The following PHF21A variants were observed in gnomAD, a reference collection of about 807,000 sequenced individuals.
The protein encoded by PHF21A is BHC80a.
PHF21A carries 11 observed loss-of-function variants against 82.5 expected under a neutral mutation model. The observed-to-expected ratio is 0.13, with a 90% CI of 0.08 to 0.22. PHF21A has a LOEUF of 0.22. PHF21A is among the 10% of genes least tolerant of loss of function. PHF21A has a pLI of 1.00. For missense variants in PHF21A, 579 were observed against 837.8 expected (o/e 0.69, Z 3.81); for synonymous variants, 297 against 302.8 (o/e 0.98, Z 0.20).
At chr11:45,980,033 T>C (rs2094212133) in intron 6 of PHF21A, 67 bp from the exon 7 acceptor site, 3 of 1,602,088 alleles carry the variant, frequency 1.9e-6, no homozygotes, top group Admixed American at 3.4e-5. Context: ...CACAGAAATA[T>C]GCTCTGACAT....
chr11:45,948,223 C>A (rs1465358812), intron 14 of PHF21A, among the ~76,000 whole-genome samples: 2 of 152,194 alleles, frequency 1.3e-5, no homozygotes, highest in African/African-American at 4.8e-5. Context: ...TTTAGACTTG[C>A]ATGGTGAGAG....
chr11:46,017,342 G>C (rs148625216), intron 6 of PHF21A, among the ~76,000 whole-genome samples: 1 of 152,026 alleles, frequency 6.6e-6, no homozygotes, highest in East Asian at 1.9e-4. Flanking sequence ...AATCAGATTT[G>C]TTTTTTTAGC....
chr11:46,063,301 G>A (rs2096557984), intron 6 of PHF21A, among the ~76,000 whole-genome samples: 1 of 152,164 alleles, frequency 6.6e-6, no homozygotes, highest in Non-Finnish European at 1.5e-5. Flanking sequence ...GCCCAAGGCT[G>A]TTACATGATG....
At chr11:46,075,500 G>A (rs1161555775) in intron 6 of PHF21A, among the ~76,000 whole-genome samples, 1 of 152,162 alleles carries the variant, frequency 6.6e-6, no homozygotes, top group Non-Finnish European at 1.5e-5. Context: ...GTTGACTTTA[G>A]AGAACTGAAT....
chr11:46,018,030 C>G (rs1348240756), intron 6 of PHF21A, among the ~76,000 whole-genome samples: 3 of 152,068 alleles, frequency 2.0e-5, no homozygotes, highest in Admixed American at 2.0e-4. Flanking sequence ...GCGGGCGGAT[C>G]ACGAGGTCAG....
At chr11:45,949,216 G>T (rs376036340) in intron 13 of PHF21A, among the ~76,000 whole-genome samples, 186 bp downstream of exon 13, 1 of 151,962 alleles carries the variant, frequency 6.6e-6, no homozygotes, top group Non-Finnish European at 1.5e-5. Context: ...TGAAACTTAG[G>T]AAAAAAACCT....
intron 6 of PHF21A, among the ~76,000 whole-genome samples, chr11:46,000,924 AAAATAAATAAAT>A (rs534848999): frequency 1.3e-5 from 2 of 151,782 alleles, no homozygotes; most frequent in African/African-American, 2.4e-5. Context: ...CCGTCTCAAA[AAAATAAATAAAT>A]AAATAAATAA....
At chr11:46,060,395 A>G (rs1225480215) in intron 6 of PHF21A, among the ~76,000 whole-genome samples, 1 of 152,214 alleles carries the variant, frequency 6.6e-6, no homozygotes, top group Non-Finnish European at 1.5e-5. Context: ...CTACAGCTCT[A>G]AGAAAGAAAA....
chr11:45,996,436 G>C (rs1235634687), intron 6 of PHF21A, among the ~76,000 whole-genome samples: 4 of 152,064 alleles, frequency 2.6e-5, no homozygotes, highest in African/African-American at 9.7e-5. Context: ...AAAATATGCT[G>C]GTTAAGAACT....
Position 45,931,681 on chromosome 11 carries a change from C to T in PHF21A, c.*2287G>A, listed in dbSNP as rs1442718756. ...AGAGAAGCTGATAGGATCGTTTCTA[C>T]CTCTCCTAGACTCTGGCCATTCCCA... On this transcript the variant is annotated 3_prime_UTR_variant, in exon 19 of 19. Transcript: ENST00000676320. The T allele has an allele frequency of 1.3e-5, 2 of 152,262 alleles. No individual in the cohort carries two copies. Among genetic ancestry groups the T allele is most frequent in the African/African-American group, 4.8e-5 (2 of 41,448 alleles). The allele number at this position is 152,262 out of a possible 1,614,324, so 9.4% of individuals were successfully genotyped here.
At chr11:45,941,173 A>T (rs1238340489) in intron 15 of PHF21A, among the ~76,000 whole-genome samples, 2 of 152,068 alleles carry the variant, frequency 1.3e-5, no homozygotes, top group Admixed American at 6.5e-5. Flanking sequence ...ATCTTGGCTT[A>T]CTGCAGCCTC....
At chr11:46,052,985 G>A (rs1331039472) in intron 6 of PHF21A, among the ~76,000 whole-genome samples, 1 of 152,138 alleles carries the variant, frequency 6.6e-6, no homozygotes, top group Non-Finnish European at 1.5e-5. Flanking sequence ...TCACATGAAG[G>A]CAAATCAGGG....
intron 6 of PHF21A, among the ~76,000 whole-genome samples, chr11:45,999,203 G>C (rs772841107): frequency 1.3e-5 from 2 of 152,150 alleles, no homozygotes; most frequent in Non-Finnish European, 2.9e-5. Flanking sequence ...ACAGAGAAGA[G>C]AGCAGTAAAT....
chr11:46,089,691 T>C (rs1245231384), intron 3 of PHF21A, among the ~76,000 whole-genome samples: 1 of 151,834 alleles, frequency 6.6e-6, no homozygotes, highest in African/African-American at 2.4e-5. Context: ...TATTTAATAA[T>C]GTTGTTTCCT....
chr11:46,053,386 C>T (rs1423353730), intron 6 of PHF21A, among the ~76,000 whole-genome samples: 1 of 151,948 alleles, frequency 6.6e-6, no homozygotes, highest in Non-Finnish European at 1.5e-5. Flanking sequence ...TTTGCAAGAG[C>T]TAGGAAGAAA....
intron 9 of PHF21A, among the ~76,000 whole-genome samples, chr11:45,967,268 T>A (rs1387669935): frequency 6.6e-6 from 1 of 151,754 alleles, no homozygotes; most frequent in Non-Finnish European, 1.5e-5. Flanking sequence ...CTTGAGAGGC[T>A]GAGACATAAG....
chr11:46,110,101 C>A (rs2097195455), intron 1 of PHF21A, among the ~76,000 whole-genome samples: 1 of 151,786 alleles, frequency 6.6e-6, no homozygotes, highest in Non-Finnish European at 1.5e-5. Flanking sequence ...AGATAAATAT[C>A]TTAAAACCCA....
chr11:46,071,075 T>A (rs1190411508), intron 6 of PHF21A, among the ~76,000 whole-genome samples: 1 of 152,246 alleles, frequency 6.6e-6, no homozygotes, highest in Non-Finnish European at 1.5e-5. Context: ...GTTTTCAATT[T>A]CCATATCCTC....
intron 7 of PHF21A, among the ~76,000 whole-genome samples, chr11:45,978,348 A>G (rs1457929624): frequency 2.2e-5 from 1 of 45,254 alleles, no homozygotes; most frequent in Non-Finnish European, 1.2e-4. Flanking sequence ...CAGAGATGGT[A>G]ATAATAATAA....
Sources: gnomAD v4.1 joint callset for allele counts (sites outside exome capture counted in the v4.1 genomes callset) on GRCh38, gnomAD v4.1.1 for gene constraint, MANE v1.5 for transcripts, NCBI Gene and HGNC (gene_info 2026-07-23, HGNC 2026-07-21) for gene names.